Variants in ANO3 observed in about 807,000 individuals in gnomAD.
ANO3 encodes anoctamin 3, also known as anoctamin-3.
In ANO3, 99 loss-of-function variants were observed where a neutral mutation model predicts 144.8. The ratio of observed to expected loss-of-function variants is 0.68; its 90% CI spans 0.58 to 0.81. The LOEUF (loss-of-function observed/expected upper bound fraction) is 0.81, where lower values mean the gene tolerates loss of function less well. Among genes scored for constraint, ANO3 ranks in the 30% least tolerant of loss-of-function variants. ANO3 has a pLI of 0.00. For missense variants in ANO3, 905 were observed against 1,202.2 expected (o/e 0.75, Z 3.66); for synonymous variants, 414 against 392.6 (o/e 1.05, Z -0.64).
At chr11:26,365,987 TATATATATATA>T (rs1395827473) in intron 1 of ANO3, among the ~76,000 whole-genome samples, 2 of 1,360 alleles carry the variant, frequency 1.5e-3, no homozygotes, top group East Asian at 0.062. Context: ...TATATATATA[TATATATATATA>T]TATATTTTAA....
chr11:26,565,896 T>A, intron 14 of ANO3: 2 of 1,570,406 alleles, frequency 1.3e-6, no homozygotes, highest in African/African-American at 1.4e-5. Context: ...TTTAAAGGAA[T>A]CTGAAAGAAA....
chr11:26,441,319 G>A (rs1212076578), intron 1 of ANO3, among the ~76,000 whole-genome samples: 7 of 150,840 alleles, frequency 4.6e-5, no homozygotes, highest in East Asian at 2.0e-4. Context: ...GGGTTTCACC[G>A]TTTTAGCCGG....
chr11:26,322,226 T>C (rs1178065056), intron 1 of ANO3, among the ~76,000 whole-genome samples: 1 of 152,108 alleles, frequency 6.6e-6, no homozygotes, highest in East Asian at 1.9e-4. Context: ...TATACTCATT[T>C]TTAAGAACAG....
chr11:26,340,405 A>G (rs1855325826), intron 1 of ANO3, among the ~76,000 whole-genome samples: 1 of 152,176 alleles, frequency 6.6e-6, no homozygotes, highest in African/African-American at 2.4e-5. Context: ...TATTTCATTT[A>G]CTGCAGCTCA....
intron 4 of ANO3, among the ~76,000 whole-genome samples, chr11:26,484,940 C>A (rs1848562): frequency 0.58 from 87,562 of 152,002 alleles, 25,781 homozygotes; most frequent in East Asian, 0.68. Context: ...TTGGGGCCTG[C>A]AGCCCCTTTG....
At chr11:26,460,199 A>G (rs1859335237) in intron 3 of ANO3, 4 of 368,316 alleles carry the variant, frequency 1.1e-5, no homozygotes, top group African/African-American at 8.7e-5. Flanking sequence ...AATTTACTTC[A>G]ATTTTTCTAC....
intron 4 of ANO3, among the ~76,000 whole-genome samples, chr11:26,485,577 A>C (rs1401302936): frequency 6.6e-6 from 1 of 152,188 alleles, no homozygotes; most frequent in Non-Finnish European, 1.5e-5. Flanking sequence ...TCTTTACAGC[A>C]ATTCAAGACC....
intron 14 of ANO3, among the ~76,000 whole-genome samples, chr11:26,593,307 A>T (rs1022001169): frequency 1.3e-5 from 2 of 152,142 alleles, no homozygotes; most frequent in African/African-American, 4.8e-5. Context: ...GTCTCTCTCT[A>T]ACAAAGGAGT....
chr11:26,405,335 T>C (rs1857252368), intron 1 of ANO3, among the ~76,000 whole-genome samples: 1 of 151,852 alleles, frequency 6.6e-6, no homozygotes, highest in African/African-American at 2.4e-5. Context: ...ATTCTTCATC[T>C]CACAAATTTC....
At chr11:26,418,416 C>A (rs931181100) in intron 1 of ANO3, among the ~76,000 whole-genome samples, 1 of 151,946 alleles carries the variant, frequency 6.6e-6, no homozygotes, top group East Asian at 1.9e-4. Context: ...TCAGAACCTC[C>A]CCATTCTGAA....
intron 1 of ANO3, among the ~76,000 whole-genome samples, chr11:26,354,649 T>C (rs575395445): frequency 6.6e-6 from 1 of 152,312 alleles, no homozygotes; most frequent in South Asian, 2.1e-4. Flanking sequence ...TGTATACTTA[T>C]GTTGCAATTT....
chr11:26,484,781 A>G (rs1035832975), intron 4 of ANO3, among the ~76,000 whole-genome samples: 1 of 152,218 alleles, frequency 6.6e-6, no homozygotes, highest in African/African-American at 2.4e-5. Flanking sequence ...TACCCTGCAG[A>G]GCCACTGGGG....
rs1554970707 is a variant in ANO3 at position 26,564,692 on chromosome 11, T to TATATACAC, written c.1447+4914_1447+4915insTATACACA. 1.7e-4 allele frequency among the ~76,000 whole-genome samples: 7 copies of TATATACAC among 41,136 alleles called. 1 individual carries two copies. The Admixed American group carries it at 2.2e-3, about 13-fold the overall frequency. 27.0% of individuals were successfully genotyped at this position (41,136 alleles called of 152,430 possible). The stretch of plus-strand genomic sequence containing the variant: ...ACTCATATATATATACTCATATATA[T>TATATACAC]ACACACACACACACACACACACACA... On this transcript the variant is annotated intron_variant, in intron 14 of 26. Coordinates refer to ENST00000256737, the MANE Select transcript of ANO3 (RefSeq NM_031418.4).
intron 17 of ANO3, among the ~76,000 whole-genome samples, chr11:26,606,609 G>A (rs577624241): frequency 1.4e-5 from 2 of 138,316 alleles, no homozygotes; most frequent in East Asian, 2.2e-4. Flanking sequence ...TTTTTTTTTG[G>A]CTATTTGCTT....
chr11:26,220,814 A>T, intron 1 of ANO3, among the ~76,000 whole-genome samples: 1 of 152,162 alleles, frequency 6.6e-6, no homozygotes, highest in Non-Finnish European at 1.5e-5. Context: ...ATTCCCAGGG[A>T]TGGTATCTAG....
intron 3 of ANO3, among the ~76,000 whole-genome samples, chr11:26,457,275 A>G (rs1201873505): frequency 6.6e-6 from 1 of 151,774 alleles, no homozygotes; most frequent in South Asian, 2.1e-4. Flanking sequence ...CATGTACCCT[A>G]GAACTTATAG....
chr11:26,610,966 G>A (rs1373892540), intron 17 of ANO3, among the ~76,000 whole-genome samples: 1 of 152,050 alleles, frequency 6.6e-6, no homozygotes, highest in Non-Finnish European at 1.5e-5. Context: ...TTGTATTTCT[G>A]TGATGTCACC....
At chr11:26,448,286 C>T (rs981949871) in intron 3 of ANO3, among the ~76,000 whole-genome samples, 6 of 132,542 alleles carry the variant, frequency 4.5e-5, no homozygotes, top group Admixed American at 8.5e-5. Flanking sequence ...GCAACAAAAG[C>T]GTAACTCCGT....
At chr11:26,578,113 A>G (rs759187079) in intron 14 of ANO3, among the ~76,000 whole-genome samples, 3 of 152,208 alleles carry the variant, frequency 2.0e-5, no homozygotes, top group African/African-American at 4.8e-5. Context: ...AGTACTAGAA[A>G]GATTATCTGT....
Sources: allele counts gnomAD v4.1 joint callset (sites outside exome capture counted in the v4.1 genomes callset), GRCh38; gene constraint gnomAD v4.1.1; transcripts MANE v1.5; gene names NCBI Gene and HGNC (gene_info 2026-07-23, HGNC 2026-07-21).